Variants in SPPL3 observed in about 807,000 individuals in gnomAD.
The protein encoded by SPPL3 is signal peptide peptidase-like 3.
In SPPL3, 5 loss-of-function variants were observed where a neutral mutation model predicts 42.4. The ratio of observed to expected loss-of-function variants is 0.12; its 90% CI spans 0.06 to 0.25. The LOEUF (loss-of-function observed/expected upper bound fraction) is 0.25. Ranked by LOEUF, SPPL3 falls within the 10% of genes least tolerant of loss-of-function variation. The probability of loss-of-function intolerance (pLI) is 1.00; values close to 1 mark genes in which losing one functional copy is unlikely to be tolerated. For missense variants in SPPL3, 235 were observed against 489.0 expected (o/e 0.48, Z 4.90); for synonymous variants, 195 against 181.8 (o/e 1.07, Z -0.58).
chr12:120,780,347 T>C (rs75886006), intron 6 of SPPL3, among the ~76,000 whole-genome samples: 13,379 of 150,976 alleles, frequency 0.089, 1,728 homozygotes, highest in African/African-American at 0.29. Context: ...GTCTGTGTAC[T>C]TGAGAGGCAG....
At chr12:120,866,238 C>T (rs1024688665) in intron 1 of SPPL3, among the ~76,000 whole-genome samples, 3 of 152,190 alleles carry the variant, frequency 2.0e-5, no homozygotes, top group African/African-American at 7.2e-5. Flanking sequence ...AAACTGTCTT[C>T]CACAAAACCA....
At chr12:120,781,568 T>TG (rs1566040045) in intron 6 of SPPL3, among the ~76,000 whole-genome samples, 13 of 85,896 alleles carry the variant, frequency 1.5e-4, no homozygotes, top group African/African-American at 6.2e-4. Context: ...TTTTTTTTTT[T>TG]TTTTTTTTTT....
At chr12:120,895,278 T>C (rs1566072507) in intron 1 of SPPL3, among the ~76,000 whole-genome samples, 1 of 151,852 alleles carries the variant, frequency 6.6e-6, no homozygotes, top group East Asian at 1.9e-4. Flanking sequence ...AAATACAAAA[T>C]TAGCCGCGTG....
rs57779322 is a variant in SPPL3, at chr12:120,778,111, A to ATTTTTTTTT, written c.502+4535_502+4543dup. Among the ~76,000 whole-genome samples, 71 of 90,942 alleles carry ATTTTTTTTT rather than the reference A, an allele frequency of 7.8e-4. 3 individuals carry two copies. The highest frequency in any genetic ancestry group is 9.1e-4 in the Non-Finnish European group (46 of 50,334). 59.7% of individuals were successfully genotyped at this position (90,942 alleles called of 152,430 possible). ...TTATTTCCAAAATGACTGAAAAGCA[A>ATTTTTTTTT]TTTTTTTTTTTTTTTTTTTTTTTGA... is the stretch of plus-strand genomic sequence containing the variant. On this transcript the variant is annotated intron_variant, in intron 6 of 10. Coordinates refer to ENST00000353487, the MANE Select transcript of SPPL3 (RefSeq NM_139015.5).
chr12:120,841,005 A>T (rs546585567), intron 1 of SPPL3, among the ~76,000 whole-genome samples: 1 of 152,082 alleles, frequency 6.6e-6, no homozygotes, highest in East Asian at 1.9e-4. Flanking sequence ...GAAGGGATGA[A>T]TTTTACGGTC....
At chr12:120,813,544 C>T (rs898616154) in intron 1 of SPPL3, among the ~76,000 whole-genome samples, 1 of 151,974 alleles carries the variant, frequency 6.6e-6, no homozygotes, top group African/African-American at 2.4e-5. Flanking sequence ...TGGTCTCAAA[C>T]TCGTGACCTC....
At chr12:120,851,439 T>G (rs1345000843) in intron 1 of SPPL3, among the ~76,000 whole-genome samples, 1 of 3,472 alleles carries the variant, frequency 2.9e-4, no homozygotes, top group Admixed American at 5.3e-3. Flanking sequence ...AAAATCTCAG[T>G]CATTTTTTTT....
intron 1 of SPPL3, among the ~76,000 whole-genome samples, chr12:120,871,144 A>AAAAAAAAAAAAAG (rs61249398): frequency 6.8e-4 from 97 of 142,156 alleles, no homozygotes; most frequent in African/African-American, 2.1e-3. Flanking sequence ...AAAAAAAAAA[A>AAAAAAAAAAAAAG]AAAAAGAAAA....
chr12:120,844,424 G>A (rs1378847519), intron 1 of SPPL3, among the ~76,000 whole-genome samples: 3 of 151,922 alleles, frequency 2.0e-5, no homozygotes, highest in Admixed American at 6.6e-5. Context: ...GTGCATTACC[G>A]TGCCTGTTTA....
At chr12:120,782,484 G>A (rs1325068217) in intron 6 of SPPL3, among the ~76,000 whole-genome samples, 171 bp downstream of exon 6, 1 of 152,190 alleles carries the variant, frequency 6.6e-6, no homozygotes, top group Non-Finnish European at 1.5e-5. Flanking sequence ...GGATACCTGG[G>A]GCTGGGGAGG....
chr12:120,798,947 C>G lies in SPPL3; in HGVS notation c.102-7390G>C, dbSNP rs187702224. Among the ~76,000 whole-genome samples the G allele has an allele frequency of 3.3e-3, 509 of 152,266 alleles. 6 individuals are homozygous for G. The highest frequency in any genetic ancestry group is 2.0e-3 in the Non-Finnish European group (139 of 68,026). ...GGTTAGTGAGAATAGGTGCTGAGAA[C>G]CCCCCGCGGGACAGGATGAAGGGTT... is the stretch of plus-strand genomic sequence containing the variant. On this transcript the variant is annotated intron_variant, in intron 2 of 10. Coordinates refer to ENST00000353487, the MANE Select transcript of SPPL3 (RefSeq NM_139015.5).
At chr12:120,850,513 A>C (rs1048561217) in intron 1 of SPPL3, among the ~76,000 whole-genome samples, 14 of 135,554 alleles carry the variant, frequency 1.0e-4, no homozygotes, top group African/African-American at 3.9e-4. Flanking sequence ...AAAAAAAAAA[A>C]CAAAAGCCAA....
intron 1 of SPPL3, chr12:120,902,045 A>G: frequency 5.8e-6 from 2 of 343,074 alleles, no homozygotes; most frequent in Non-Finnish European, 8.2e-6. Context: ...GAGTAACCAC[A>G]AGGCATGACA....
chr12:120,860,375 C>T (rs1251385932), intron 1 of SPPL3, among the ~76,000 whole-genome samples: 8 of 152,106 alleles, frequency 5.3e-5, no homozygotes, highest in Non-Finnish European at 1.5e-5. Context: ...TATACTCAAT[C>T]AATAAAAATA....
chr12:120,841,319 C>G (rs1489778505), intron 1 of SPPL3, among the ~76,000 whole-genome samples: 1 of 151,804 alleles, frequency 6.6e-6, no homozygotes, highest in African/African-American at 2.4e-5. Context: ...GAGCGAAACT[C>G]CATCTCAGAA....
At chr12:120,781,608 C>A (rs1204611471) in intron 6 of SPPL3, among the ~76,000 whole-genome samples, 1 of 98,392 alleles carries the variant, frequency 1.0e-5, no homozygotes, top group Non-Finnish European at 1.8e-5. Flanking sequence ...GAGTCTTGCT[C>A]TGTTGCCCAG....
At chr12:120,889,330 C>G (rs1440180287) in intron 1 of SPPL3, among the ~76,000 whole-genome samples, 2 of 152,242 alleles carry the variant, frequency 1.3e-5, no homozygotes, top group Admixed American at 6.5e-5. Flanking sequence ...TTTCCAGGAT[C>G]TATTCCTTAG....
At chr12:120,866,084 G>A (rs1363335412) in intron 1 of SPPL3, among the ~76,000 whole-genome samples, 1 of 152,030 alleles carries the variant, frequency 6.6e-6, no homozygotes, top group Non-Finnish European at 1.5e-5. Context: ...CAAGCTCAGG[G>A]CTCCCACTGA....
At chr12:120,850,807 C>T (rs1241546789) in intron 1 of SPPL3, among the ~76,000 whole-genome samples, 1 of 152,168 alleles carries the variant, frequency 6.6e-6, no homozygotes, top group Non-Finnish European at 1.5e-5. Flanking sequence ...TTCTAGAGGA[C>T]CACCTGCATT....
Sources: gnomAD v4.1 joint callset for allele counts (sites outside exome capture counted in the v4.1 genomes callset) on GRCh38, gnomAD v4.1.1 for gene constraint, MANE v1.5 for transcripts, NCBI Gene and HGNC (gene_info 2026-07-23, HGNC 2026-07-21) for gene names.